Variants in BLM observed in about 807,000 individuals in gnomAD.
BLM encodes the protein BLM RecQ like helicase.
In BLM, 95 loss-of-function variants were observed where a neutral mutation model predicts 135.3. The observed-to-expected ratio is 0.70, with a 90% CI of 0.59 to 0.83. BLM has a LOEUF of 0.83. Among genes scored for constraint, BLM ranks in the 40% least tolerant of loss-of-function variants. The pLI is 0.00. For missense variants in BLM, 1,518 were observed against 1,663.9 expected, an observed-to-expected ratio of 0.91 and a Z score of 1.53; for synonymous variants, 520 against 589.2, an observed-to-expected ratio of 0.88 and a Z score of 1.70.
At chr15:90,742,701 C>A (rs1895398611) in intron 1 of BLM, among the ~76,000 whole-genome samples, 1 of 151,580 alleles carries the variant, frequency 6.6e-6, no homozygotes, top group East Asian at 1.9e-4. Flanking sequence ...GTGGGGTGAT[C>A]ATGGCTCACT....
chr15:90,804,153 T>C lies in BLM; in HGVS notation c.3559-14T>C. 1 of 1,609,970 alleles carries C rather than the reference T, an allele frequency of 6.2e-7. No individual in the cohort carries two copies. The highest frequency in any genetic ancestry group is 8.5e-7 in the Non-Finnish European group (1 of 1,176,554). On this transcript the variant is annotated splice_polypyrimidine_tract_variant and intron_variant, in intron 18 of 21. Coordinates refer to ENST00000355112, the MANE Select transcript of BLM (RefSeq NM_000057.4). ...CATATACCCACTCCTATGATTTGTT[T>C]CTCTCTCATAAAGGTAGACTTTATG...
rs35158343 is a variant in BLM, at chr15:90,788,471, G to GTTTTTTT, written c.2824-2161_2824-2155dup. Among the ~76,000 whole-genome samples the GTTTTTTT allele has an allele frequency of 4.1e-3, 390 of 94,728 alleles. 1 individual carries two copies. Among genetic ancestry groups the GTTTTTTT allele is most frequent in the Non-Finnish European group, 4.8e-3 (236 of 49,492 alleles). The allele number at this position is 94,728 out of a possible 152,430, so 62.1% of individuals were successfully genotyped here. On this transcript the variant is annotated intron_variant, in intron 14 of 21. Coordinates refer to ENST00000355112, the MANE Select transcript of BLM (RefSeq NM_000057.4). The stretch of plus-strand genomic sequence containing the variant: ...TATTTAACCCAAATGCCAGTGTTTT[G>GTTTTTTT]TTTTTTTTTTTTTTTTTTTTTTTGG...
At chr15:90,810,257 G>C (rs1466877381) in intron 20 of BLM, among the ~76,000 whole-genome samples, 1 of 152,032 alleles carries the variant, frequency 6.6e-6, no homozygotes, top group African/African-American at 2.4e-5. Flanking sequence ...GTTTCACTAT[G>C]TTGGCCAGGC....
intron 1 of BLM, among the ~76,000 whole-genome samples, chr15:90,736,610 C>T (rs1456466475): frequency 1.3e-5 from 2 of 152,076 alleles, no homozygotes; most frequent in African/African-American, 4.8e-5. Context: ...TTTGTTGCAG[C>T]ATTATTTGTA....
At chr15:90,719,635 A>G (rs1188666933) in intron 1 of BLM, among the ~76,000 whole-genome samples, 1 of 152,094 alleles carries the variant, frequency 6.6e-6, no homozygotes, top group East Asian at 1.9e-4. Flanking sequence ...AAAGAGAGAG[A>G]ATAGGGCCGA....
At chr15:90,790,457 G>A (rs567515615) in intron 14 of BLM, 192 bp from the exon 15 acceptor site, 4 of 609,190 alleles carry the variant, frequency 6.6e-6, no homozygotes, top group Non-Finnish European at 1.1e-5. Flanking sequence ...GGTTTTAATG[G>A]CATTGCAAGT....
chr15:90,760,634 GC>G lies in BLM; in HGVS notation c.1263del (p.Ser422ValfsTer29). 6.2e-7 allele frequency: 1 copy of G among 1,612,478 alleles called. No individual in the cohort carries two copies. The highest frequency in any genetic ancestry group is 8.5e-7 in the Non-Finnish European group (1 of 1,178,884). On this transcript the variant is annotated frameshift_variant, in exon 7 of 22. Coordinates refer to ENST00000355112, the MANE Select transcript of BLM (RefSeq NM_000057.4). LOFTEE classifies it high-confidence loss of function. ...GGAAGTAGATTTTAATAAAAGTGAT[GC>G]CAGTCTTCTTGGCTCATTGTGGAGA... is the stretch of plus-strand genomic sequence containing the variant. ...LTEVDFNKSD[A>X]SLLGSLWRYR...
At chr15:90,788,487 T>G (rs1185217666) in intron 14 of BLM, among the ~76,000 whole-genome samples, 1 of 150,124 alleles carries the variant, frequency 6.7e-6, no homozygotes, top group East Asian at 1.9e-4. Flanking sequence ...TTTTTTTTTT[T>G]TTTTTTTGGT....
intron 2 of BLM, among the ~76,000 whole-genome samples, chr15:90,748,130 C>T (rs1284486024): frequency 1.0e-4 from 14 of 135,844 alleles, no homozygotes; most frequent in South Asian, 9.4e-4. Context: ...TTTTTTGAGA[C>T]GGAGTTTCGC....
intron 21 of BLM, among the ~76,000 whole-genome samples, chr15:90,813,414 A>T (rs1170405040): frequency 6.6e-6 from 1 of 152,134 alleles, no homozygotes; most frequent in African/African-American, 2.4e-5. Flanking sequence ...TGTTGTCGTT[A>T]TGGAGTTTTG....
chr15:90,772,693 T>G (rs1280590494), intron 12 of BLM, among the ~76,000 whole-genome samples: 1 of 152,194 alleles, frequency 6.6e-6, no homozygotes, highest in Non-Finnish European at 1.5e-5. Context: ...AAATTACAGC[T>G]GCAGGAACTG....
chr15:90,772,423 A>G (rs1224821767), intron 12 of BLM, among the ~76,000 whole-genome samples: 1 of 152,230 alleles, frequency 6.6e-6, no homozygotes, highest in Non-Finnish European at 1.5e-5. Context: ...AATAGCTAAC[A>G]CTTACATATC....
intron 3 of BLM, among the ~76,000 whole-genome samples, chr15:90,751,373 GACTTAAATA>G (rs1336859369): frequency 6.6e-6 from 1 of 152,178 alleles, no homozygotes; most frequent in African/African-American, 2.4e-5. Flanking sequence ...CCAAAAGAGA[GACTTAAATA>G]ACTGGGAAAC....
intron 1 of BLM, among the ~76,000 whole-genome samples, chr15:90,740,805 G>A (rs1202690715): frequency 6.6e-6 from 1 of 152,126 alleles, no homozygotes; most frequent in Non-Finnish European, 1.5e-5. Flanking sequence ...CAGTTCCCCT[G>A]CACACACTTT....
intron 16 of BLM, among the ~76,000 whole-genome samples, chr15:90,797,054 G>A (rs1897043970): frequency 6.6e-6 from 1 of 152,126 alleles, no homozygotes; most frequent in Non-Finnish European, 1.5e-5. Context: ...GATCATTGGA[G>A]CAGAGGAGAT....
chr15:90,796,078 G>A (rs1897022168), intron 16 of BLM, among the ~76,000 whole-genome samples: 1 of 152,192 alleles, frequency 6.6e-6, no homozygotes, highest in Non-Finnish European at 1.5e-5. Flanking sequence ...GGGAAGAGGT[G>A]ATGGAGAGCC....
chr15:90,750,148 A>G (rs1291201029), intron 3 of BLM, 81 bp downstream of exon 3: 5 of 1,443,538 alleles, frequency 3.5e-6, no homozygotes, highest in African/African-American at 2.8e-5. Context: ...AGTCATGAAT[A>G]TATAGAGCTT....
At chr15:90,756,164 C>T (rs2151153458) in intron 5 of BLM, among the ~76,000 whole-genome samples, 1 of 151,380 alleles carries the variant, frequency 6.6e-6, no homozygotes, top group African/African-American at 2.4e-5. Flanking sequence ...AGTGCAGTGG[C>T]ACAACCTCAG....
intron 5 of BLM, among the ~76,000 whole-genome samples, chr15:90,756,475 C>T (rs1352675998): frequency 6.6e-6 from 1 of 152,230 alleles, no homozygotes; most frequent in African/African-American, 2.4e-5. Context: ...TAAATAGTTA[C>T]ACACCGTCAT....
Sources: gnomAD v4.1 joint callset for allele counts (sites outside exome capture counted in the v4.1 genomes callset) on GRCh38, gnomAD v4.1.1 for gene constraint, MANE v1.5 for transcripts, NCBI Gene and HGNC (gene_info 2026-07-23, HGNC 2026-07-21) for gene names.